ALCAM: variants seen among roughly 807,000 people sequenced by gnomAD.
The protein encoded by ALCAM is CD166 antigen.
Under a neutral mutation model 70.9 loss-of-function variants are expected in ALCAM, and 30 were observed. The ratio of observed to expected loss-of-function variants is 0.42; its 90% CI spans 0.32 to 0.57. The LOEUF (loss-of-function observed/expected upper bound fraction) is 0.57, where lower values mean the gene tolerates loss of function less well. Ranked by LOEUF, ALCAM falls within the 20% of genes least tolerant of loss-of-function variation. The pLI, the probability that ALCAM is intolerant of heterozygous loss-of-function variation, is 0.11. For missense variants in ALCAM, 591 were observed against 695.1 expected (o/e 0.85, Z 1.68); for synonymous variants, 249 against 242.5 (o/e 1.03, Z -0.25).
At chr3:105,457,643 C>T (rs1443598289) in intron 1 of ALCAM, among the ~76,000 whole-genome samples, 5 of 151,846 alleles carry the variant, frequency 3.3e-5, no homozygotes, top group African/African-American at 9.7e-5. Flanking sequence ...AAGCTGGGGA[C>T]GATATTAGTA....
rs59389132 is a variant in ALCAM at position 105,454,653 on chromosome 3, A to ATTTTTTTTTT, written c.74-65389_74-65380dup. Among the ~76,000 whole-genome samples the ATTTTTTTTTT allele has an allele frequency of 1.3e-3, 78 of 61,792 alleles. 7 individuals carry two copies. Among genetic ancestry groups the ATTTTTTTTTT allele is most frequent in the African/African-American group, 1.8e-3 (26 of 14,610 alleles). The allele number at this position is 61,792 out of a possible 152,430, so 40.5% of individuals were successfully genotyped here. On this transcript the variant is annotated intron_variant, in intron 1 of 15. Coordinates refer to ENST00000306107, the MANE Select transcript of ALCAM (RefSeq NM_001627.4). ...ATTGGCACATAGTAGATGCTCATTA[A>ATTTTTTTTTT]TTTTTTTTTTTTTTTTTTTTTTTTT...
rs750344090 is a variant in ALCAM, at chr3:105,552,506, AT to A, written c.1587del (p.Ile529MetfsTer23). 1.2e-6 allele frequency: 2 copies of A among 1,611,782 alleles called. No homozygotes were observed. Among genetic ancestry groups the A allele is most frequent in the Non-Finnish European group, 1.7e-6 (2 of 1,178,384 alleles). ...AAAGGTGAATGACCAGGCAAAACTA[AT>A]TGTGGGAATCGTTGTTGGTCTCCTC... Reference protein sequence around the residue: ...REKVNDQAKLIVGIVVGLLLA... With the variant: ...REKVNDQAKLXVGIVVGLLLA... On this transcript the variant is annotated frameshift_variant, in exon 14 of 16. Transcript: ENST00000306107. LOFTEE classifies it high-confidence loss of function.
At chr3:105,534,898 A>G (rs1939931891) in intron 6 of ALCAM, 53 bp downstream of exon 6, 1 of 1,475,312 alleles carries the variant, frequency 6.8e-7, no homozygotes, top group Non-Finnish European at 9.1e-7. Flanking sequence ...AATAATATTC[A>G]AATGCTATTA....
At chr3:105,559,409 T>G (rs1258470548) in intron 14 of ALCAM, among the ~76,000 whole-genome samples, 1 of 151,720 alleles carries the variant, frequency 6.6e-6, no homozygotes, top group African/African-American at 2.4e-5. Flanking sequence ...TTCTGGAGAC[T>G]GGGAATTTCA....
intron 1 of ALCAM, among the ~76,000 whole-genome samples, chr3:105,510,736 C>G (rs1939214916): frequency 6.6e-6 from 1 of 152,038 alleles, no homozygotes; most frequent in African/African-American, 2.4e-5. Flanking sequence ...CATTGACCTG[C>G]TGTAAGAACT....
intron 1 of ALCAM, among the ~76,000 whole-genome samples, chr3:105,390,351 C>T (rs545356074): frequency 3.5e-4 from 53 of 151,956 alleles, no homozygotes; most frequent in South Asian, 6.2e-4. Context: ...TGATTAGTGA[C>T]TTTGAGCTTT....
chr3:105,549,657 T>A (rs966786330), intron 11 of ALCAM, among the ~76,000 whole-genome samples: 7 of 151,466 alleles, frequency 4.6e-5, no homozygotes, highest in African/African-American at 1.5e-4. Context: ...AAAAAAATGG[T>A]TTCATGTACC....
chr3:105,428,606 G>A (rs556048726), intron 1 of ALCAM, among the ~76,000 whole-genome samples: 2 of 152,026 alleles, frequency 1.3e-5, no homozygotes, highest in East Asian at 3.9e-4. Context: ...CCTCTGGTAA[G>A]TATTTCAGAA....
chr3:105,375,579 A>G (rs2107323523), intron 1 of ALCAM, among the ~76,000 whole-genome samples: 1 of 152,230 alleles, frequency 6.6e-6, no homozygotes, highest in East Asian at 1.9e-4. Flanking sequence ...AACTAAATTG[A>G]CCTCAGATGC....
At chr3:105,453,541 G>T (rs1937485206) in intron 1 of ALCAM, among the ~76,000 whole-genome samples, 1 of 152,188 alleles carries the variant, frequency 6.6e-6, no homozygotes, top group African/African-American at 2.4e-5. Flanking sequence ...GTTTAGGATT[G>T]TCTTGGCTAT....
Position 105,531,996 on chromosome 3 carries a change from C to T in ALCAM, c.395-6C>T. The T allele has an allele frequency of 1.2e-6, 2 of 1,612,470 alleles. No individual in the cohort carries two copies. The highest frequency in any genetic ancestry group is 1.3e-5 in the African/African-American group (1 of 74,934). ...GTACTTAAAATCTTTCTCTGCTTAA[C>T]TTTAGAGCAACCATCTAAACCTGAA... On this transcript the variant is annotated splice_region_variant and splice_polypyrimidine_tract_variant and intron_variant, in intron 3 of 15. Transcript: ENST00000306107.
chr3:105,423,893 C>G (rs1331089473), intron 1 of ALCAM, among the ~76,000 whole-genome samples: 1 of 151,530 alleles, frequency 6.6e-6, no homozygotes, highest in Non-Finnish European at 1.5e-5. Flanking sequence ...ACTATTCTGT[C>G]TTGAATTAAA....
At position 105,483,738 on chromosome 3, in the gene ALCAM, G is replaced by A. The variant is rs551262582; in HGVS notation, c.74-36329G>A. On this transcript the variant is annotated intron_variant, in intron 1 of 15. Transcript: ENST00000306107. ...TCAGAGAAAGAGAAGGATCATGCAG[G>A]AGATCAAGATACCATGGAGATCAAA... Among the ~76,000 whole-genome samples, 27 of 152,184 alleles carry A rather than the reference G, an allele frequency of 1.8e-4. No homozygotes were observed. In the East Asian group the frequency reaches 3.3e-3, roughly 19 times the overall value.
chr3:105,474,570 T>C (rs1199207692), intron 1 of ALCAM, among the ~76,000 whole-genome samples: 1 of 150,534 alleles, frequency 6.6e-6, no homozygotes, highest in Non-Finnish European at 1.5e-5. Context: ...CAAATGGAAA[T>C]ATTCAGGCTT....
intron 9 of ALCAM, among the ~76,000 whole-genome samples, chr3:105,546,918 C>T (rs753561222): frequency 9.3e-5 from 14 of 151,084 alleles, no homozygotes; most frequent in Non-Finnish European, 1.8e-4. Context: ...AGAACGCTTT[C>T]CAAATTATAA....
At chr3:105,449,922 G>A (rs942237449) in intron 1 of ALCAM, among the ~76,000 whole-genome samples, 1 of 152,054 alleles carries the variant, frequency 6.6e-6, no homozygotes, top group Non-Finnish European at 1.5e-5. Flanking sequence ...TTTTCTAAAT[G>A]ATGGATTTAA....
At chr3:105,410,004 A>T (rs1212022028) in intron 1 of ALCAM, among the ~76,000 whole-genome samples, 1 of 152,052 alleles carries the variant, frequency 6.6e-6, no homozygotes, top group African/African-American at 2.4e-5. Flanking sequence ...ATTATCACCC[A>T]TGATCCATAG....
At chr3:105,377,366 G>T (rs183573661) in intron 1 of ALCAM, among the ~76,000 whole-genome samples, 2 of 152,164 alleles carry the variant, frequency 1.3e-5, no homozygotes, top group African/African-American at 4.8e-5. Context: ...TCTTGGAAGT[G>T]AAGTTACTGA....
intron 1 of ALCAM, among the ~76,000 whole-genome samples, chr3:105,455,562 G>T: frequency 6.6e-6 from 1 of 152,190 alleles, no homozygotes; most frequent in East Asian, 1.9e-4. Flanking sequence ...ATGGAACTGT[G>T]TTAGGAGGCA....
Sources: allele counts gnomAD v4.1 joint callset (sites outside exome capture counted in the v4.1 genomes callset), GRCh38; gene constraint gnomAD v4.1.1; transcripts MANE v1.5; gene names NCBI Gene and HGNC (gene_info 2026-07-23, HGNC 2026-07-21).